Variants in PIP4K2A observed in about 807,000 individuals in gnomAD.
PIP4K2A encodes the protein phosphatidylinositol 5-phosphate 4-kinase type-2 alpha.
A neutral mutation model predicts 42.9 loss-of-function variants in PIP4K2A; 14 were observed. The observed-to-expected ratio is 0.33, with a 90% CI of 0.22 to 0.51. The LOEUF is 0.51. Ranked by LOEUF, PIP4K2A falls within the 20% of genes least tolerant of loss-of-function variation. PIP4K2A has a pLI of 0.97. For missense variants in PIP4K2A, 434 were observed against 519.8 expected, an observed-to-expected ratio of 0.83 and a Z score of 1.61; for synonymous variants, 192 against 192.2, an observed-to-expected ratio of 1.00 and a Z score of 0.01.
intron 7 of PIP4K2A, among the ~76,000 whole-genome samples, chr10:22,543,310 C>T (rs1188779172): frequency 2.0e-5 from 3 of 152,182 alleles, no homozygotes; most frequent in African/African-American, 7.2e-5. Context: ...AGCAAACTGG[C>T]CAGAGCTCCC....
chr10:22,672,288 G>C (rs139888767), intron 1 of PIP4K2A, among the ~76,000 whole-genome samples: 4 of 150,102 alleles, frequency 2.7e-5, no homozygotes, highest in African/African-American at 9.8e-5. Flanking sequence ...GGACAGTGTG[G>C]GGGGGGATTG....
intron 7 of PIP4K2A, among the ~76,000 whole-genome samples, chr10:22,542,706 T>C (rs1362921553): frequency 1.3e-5 from 2 of 152,234 alleles, no homozygotes; most frequent in African/African-American, 4.8e-5. Flanking sequence ...CTCTGTGTGT[T>C]TGGCTACTCC....
At chr10:22,580,542 A>C (rs1564429260) in intron 4 of PIP4K2A, among the ~76,000 whole-genome samples, 1 of 150,084 alleles carries the variant, frequency 6.7e-6, no homozygotes. Flanking sequence ...GGGGTACCAC[A>C]ATGCCATGCT....
intron 7 of PIP4K2A, among the ~76,000 whole-genome samples, chr10:22,546,395 C>T (rs1436036127): frequency 6.6e-6 from 1 of 152,090 alleles, no homozygotes; most frequent in East Asian, 1.9e-4. Flanking sequence ...TGTTAATTCA[C>T]GGGCTCTCAT....
In PIP4K2A at chr10:22,630,427, T is replaced by G. The variant is rs79762452; in HGVS notation, c.145-20710A>C. Among the ~76,000 whole-genome samples the G allele has an allele frequency of 5.6e-3, 860 of 152,350 alleles. 5 individuals carry two copies. Among genetic ancestry groups the G allele is most frequent in the African/African-American group, 0.019 (808 of 41,578 alleles). On this transcript the variant is annotated intron_variant, in intron 1 of 9. Coordinates refer to ENST00000376573, the MANE Select transcript of PIP4K2A (RefSeq NM_005028.5). Reference sequence around the variant, plus strand: ...TGTTTCAAGTGCTCTGCTTTGTAGCTATTCAGAATATAAGTAGCTACTTAG... The same window carrying G: ...TGTTTCAAGTGCTCTGCTTTGTAGCGATTCAGAATATAAGTAGCTACTTAG...
chr10:22,539,886 G>GGGGGGAGA (rs1390963717), intron 9 of PIP4K2A, 85 bp downstream of exon 9: 2 of 699,524 alleles, frequency 2.9e-6, no homozygotes, highest in African/African-American at 5.5e-5. Flanking sequence ...AGAGGAGCCA[G>GGGGGGAGA]GAGAGAGAGA....
chr10:22,667,898 T>C (rs965907583), intron 1 of PIP4K2A, among the ~76,000 whole-genome samples: 13 of 137,508 alleles, frequency 9.5e-5, no homozygotes, highest in African/African-American at 3.5e-4. Flanking sequence ...TGTGTGTGTG[T>C]GTGTGTGTGT....
rs565958002 is a variant in PIP4K2A at position 22,673,886 on chromosome 10, T to C, written c.144+40297A>G. Among the ~76,000 whole-genome samples the C allele has an allele frequency of 2.6e-5, 4 of 152,358 alleles. No individual in the cohort carries two copies. The South Asian group carries it at 6.2e-4, about 24-fold the overall frequency. On this transcript the variant is annotated intron_variant, in intron 1 of 9. Coordinates refer to ENST00000376573, the MANE Select transcript of PIP4K2A (RefSeq NM_005028.5). Reference sequence around the variant, plus strand: ...TGGCACTCATTTCTATGGTTAATTATACGGTCCCTCAAACAGAATAGGTTT... The same window carrying C: ...TGGCACTCATTTCTATGGTTAATTACACGGTCCCTCAAACAGAATAGGTTT...
chr10:22,573,954 G>A (rs1471008034), intron 4 of PIP4K2A, among the ~76,000 whole-genome samples: 1 of 152,196 alleles, frequency 6.6e-6, no homozygotes, highest in Non-Finnish European at 1.5e-5. Flanking sequence ...AGCTTCTCAA[G>A]AGAGCAGGGG....
At chr10:22,579,435 A>AC (rs1588639233) in intron 4 of PIP4K2A, among the ~76,000 whole-genome samples, 2 of 152,220 alleles carry the variant, frequency 1.3e-5, no homozygotes, top group East Asian at 1.9e-4. Context: ...ATGCACTGAT[A>AC]AAGCTGATAA....
chr10:22,709,816 G>T (rs1298941388), intron 1 of PIP4K2A, among the ~76,000 whole-genome samples: 3 of 152,188 alleles, frequency 2.0e-5, no homozygotes, highest in South Asian at 2.1e-4. Context: ...TAAACTTTCT[G>T]TATGTCTGCT....
chr10:22,689,605 A>C (rs373229220), intron 1 of PIP4K2A, among the ~76,000 whole-genome samples: 3 of 152,290 alleles, frequency 2.0e-5, no homozygotes, highest in African/African-American at 7.2e-5. Flanking sequence ...TGTATCAGGG[A>C]CTTGAGCATC....
intron 1 of PIP4K2A, among the ~76,000 whole-genome samples, chr10:22,695,042 C>A (rs1839942015): frequency 6.6e-6 from 1 of 152,084 alleles, no homozygotes; most frequent in Non-Finnish European, 1.5e-5. Context: ...GCTATTAAAA[C>A]CAAATAGCAA....
chr10:22,681,690 T>A (rs912951631), intron 1 of PIP4K2A, among the ~76,000 whole-genome samples: 10 of 151,478 alleles, frequency 6.6e-5, no homozygotes, highest in Non-Finnish European at 1.2e-4. Flanking sequence ...AAAAATAAAA[T>A]AAATAAAATT....
intron 3 of PIP4K2A, among the ~76,000 whole-genome samples, chr10:22,603,074 T>C (rs1837828033): frequency 6.6e-6 from 1 of 152,238 alleles, no homozygotes; most frequent in South Asian, 2.1e-4. Context: ...CACTTTAGAA[T>C]TTTATTTCTA....
chr10:22,657,306 TG>T (rs1350284959), intron 1 of PIP4K2A, among the ~76,000 whole-genome samples: 1 of 152,198 alleles, frequency 6.6e-6, no homozygotes, highest in Non-Finnish European at 1.5e-5. Context: ...GGGAGACAGC[TG>T]GGAATAACCC....
intron 4 of PIP4K2A, among the ~76,000 whole-genome samples, chr10:22,581,622 T>TCA: frequency 6.7e-6 from 1 of 150,270 alleles, no homozygotes; most frequent in Middle Eastern, 3.4e-3. Context: ...TAAGTACCGT[T>TCA]CACTTCTGCA....
chr10:22,542,662 C>T (rs188700286), intron 7 of PIP4K2A, among the ~76,000 whole-genome samples: 8 of 152,222 alleles, frequency 5.3e-5, no homozygotes, highest in South Asian at 2.1e-4. Flanking sequence ...CTCCTCCAGC[C>T]GTGGCTAGAA....
At chr10:22,625,627 A>G (rs1041220509) in intron 1 of PIP4K2A, among the ~76,000 whole-genome samples, 3 of 152,160 alleles carry the variant, frequency 2.0e-5, no homozygotes, top group African/African-American at 7.2e-5. Flanking sequence ...AAAACAAAAC[A>G]GTCCCCAGGT....
Sources: gnomAD v4.1 joint callset for allele counts (sites outside exome capture counted in the v4.1 genomes callset) on GRCh38, gnomAD v4.1.1 for gene constraint, MANE v1.5 for transcripts, NCBI Gene and HGNC (gene_info 2026-07-23, HGNC 2026-07-21) for gene names.